The following CCDC60 variants were observed in gnomAD, a reference collection of about 807,000 sequenced individuals.
CCDC60 encodes the protein coiled-coil domain containing 60.
In CCDC60, 54 loss-of-function variants were observed where a neutral mutation model predicts 63.5. That is an observed-to-expected ratio of 0.85 (90% CI 0.68 to 1.07). The LOEUF (loss-of-function observed/expected upper bound fraction) is 1.07. Ranked by LOEUF, CCDC60 falls within the 50% of genes least tolerant of loss-of-function variation. CCDC60 has a pLI of 0.00. For synonymous variants in CCDC60, 206 were observed against 238.8 expected, an observed-to-expected ratio of 0.86 and a Z score of 1.27; for missense variants, 651 against 684.3, an observed-to-expected ratio of 0.95 and a Z score of 0.54.
At chr12:119,400,072 C>T (rs180819473) in intron 1 of CCDC60, among the ~76,000 whole-genome samples, 1,480 of 124,090 alleles carry the variant, frequency 0.012, 27 homozygotes, top group African/African-American at 0.042. Context: ...TTTTTTGAGA[C>T]GGAGTCTCAC....
chr12:119,435,188 T>G (rs1938723616), intron 2 of CCDC60, among the ~76,000 whole-genome samples: 1 of 152,220 alleles, frequency 6.6e-6, no homozygotes, highest in African/African-American at 2.4e-5. Flanking sequence ...GATCTCACAG[T>G]AGGCACCATG....
rs192235807 is a variant in CCDC60 at position 119,527,875 on chromosome 12, G to C, written c.1230-740G>C. Among the ~76,000 whole-genome samples the C allele has an allele frequency of 3.1e-4, 47 of 151,320 alleles. 1 individual carries two copies. Among genetic ancestry groups the C allele is most frequent in the African/African-American group, 1.1e-3 (45 of 41,222 alleles). ...TTTGTATTTTTTTAGTAGAGACGGG[G>C]TTTCACCATGTTAGCCAGGATGGTG... On this transcript the variant is annotated intron_variant, in intron 11 of 13. Coordinates refer to ENST00000327554, the MANE Select transcript of CCDC60 (RefSeq NM_178499.5).
chr12:119,510,177 A>C (rs1257826409), intron 7 of CCDC60, among the ~76,000 whole-genome samples: 1 of 152,176 alleles, frequency 6.6e-6, no homozygotes, highest in Non-Finnish European at 1.5e-5. Flanking sequence ...AATCTGATAT[A>C]GTTCTCTCTA....
At chr12:119,392,576 T>C (rs565247612) in intron 1 of CCDC60, among the ~76,000 whole-genome samples, 7 of 152,118 alleles carry the variant, frequency 4.6e-5, no homozygotes, top group Non-Finnish European at 8.8e-5. Flanking sequence ...AAGCACTCAA[T>C]AAAATGACTG....
intron 7 of CCDC60, among the ~76,000 whole-genome samples, chr12:119,510,647 T>C (rs907568347): frequency 7.2e-5 from 11 of 152,186 alleles, no homozygotes; most frequent in Non-Finnish European, 1.2e-4. Flanking sequence ...AGAAGATCAG[T>C]CCAGGGCTGG....
rs114931879 is a variant in CCDC60, at chr12:119,472,308, G to T, written c.341+144G>T. On this transcript the variant is annotated intron_variant, in intron 3 of 13. Coordinates refer to ENST00000327554, the MANE Select transcript of CCDC60 (RefSeq NM_178499.5). ...GGCATCTAACACCTTCTTTAGTGTGGTCCAACCAACCTTGATAGCCTCGCT... is the reference window on the plus strand; with the variant it reads ...GGCATCTAACACCTTCTTTAGTGTGTTCCAACCAACCTTGATAGCCTCGCT... 2,938 of 735,582 alleles carry T rather than the reference G, an allele frequency of 4.0e-3. 51 individuals are homozygous for T. The African/African-American group carries it at 0.045, about 11-fold the overall frequency. 45.6% of individuals were successfully genotyped at this position (735,582 alleles called of 1,614,324 possible). A position where few individuals can be genotyped will look rare whatever the true frequency, so the allele number is the denominator to read the frequency against.
At chr12:119,479,995 TACACAC>T (rs56080581) in intron 4 of CCDC60, among the ~76,000 whole-genome samples, 7,993 of 121,958 alleles carry the variant, frequency 0.066, 224 homozygotes, top group East Asian at 0.14. Context: ...CCGTACATCA[TACACAC>T]ACACACACAC....
At chr12:119,339,177 T>TG (rs2136140450) in intron 1 of CCDC60, among the ~76,000 whole-genome samples, 1 of 152,192 alleles carries the variant, frequency 6.6e-6, no homozygotes, top group South Asian at 2.1e-4. Flanking sequence ...GGATCAGACA[T>TG]GGGGGAGGGG....
intron 1 of CCDC60, among the ~76,000 whole-genome samples, chr12:119,423,390 C>T (rs1956847488): frequency 6.6e-6 from 1 of 152,224 alleles, no homozygotes; most frequent in African/African-American, 2.4e-5. Flanking sequence ...TAATTACTTG[C>T]TTTCACTCTC....
intron 3 of CCDC60, among the ~76,000 whole-genome samples, chr12:119,478,805 C>T (rs1951235875): frequency 1.3e-5 from 2 of 152,020 alleles, no homozygotes; most frequent in Admixed American, 1.3e-4. Context: ...CAGGGTTTCA[C>T]CGTGTTAGCC....
rs1351915297 is a variant in CCDC60, at chr12:119,420,221, C to T, written c.91-8462C>T. Among the ~76,000 whole-genome samples, 3 of 152,078 alleles carry T rather than the reference C, an allele frequency of 2.0e-5. No homozygotes were observed. Among genetic ancestry groups the T allele is most frequent in the Admixed American group, 6.6e-5 (1 of 15,246 alleles). ...TATTTCCTATTTCAGTTTGAAGGAT[C>T]TGTGTGTGGATGAGGTCACTAATTC... On this transcript the variant is annotated intron_variant, in intron 1 of 13. Coordinates refer to ENST00000327554, the MANE Select transcript of CCDC60 (RefSeq NM_178499.5). This position sits in a 1 kb window ranked among gnomAD's most constrained non-coding sequence, Gnocchi z 4.1.
At chr12:119,360,903 G>A (rs1442361943) in intron 1 of CCDC60, among the ~76,000 whole-genome samples, 1 of 152,182 alleles carries the variant, frequency 6.6e-6, no homozygotes, top group African/African-American at 2.4e-5. Context: ...GGAGGCCGAG[G>A]CTGGCGGATC....
intron 11 of CCDC60, among the ~76,000 whole-genome samples, chr12:119,525,471 G>C (rs1952656410): frequency 6.6e-6 from 1 of 152,178 alleles, no homozygotes; most frequent in South Asian, 2.1e-4. Flanking sequence ...CTGTAAGCCA[G>C]AAGAGACTGG....
chr12:119,370,302 A>C (rs180826069), intron 1 of CCDC60, among the ~76,000 whole-genome samples: 13 of 152,370 alleles, frequency 8.5e-5, no homozygotes, highest in African/African-American at 2.9e-4. Flanking sequence ...TGTCAGGCAG[A>C]CAGTGCGCCC....
At chr12:119,489,143 G>C (rs1229469800) in intron 5 of CCDC60, among the ~76,000 whole-genome samples, 2 of 152,176 alleles carry the variant, frequency 1.3e-5, no homozygotes, top group Non-Finnish European at 2.9e-5. Context: ...CCACATGGGA[G>C]TATTTACACC....
intron 5 of CCDC60, 150 bp downstream of exon 5, chr12:119,489,016 G>C (rs1951521346): frequency 1.5e-6 from 1 of 680,034 alleles, no homozygotes; most frequent in African/African-American, 1.8e-5. Flanking sequence ...TCTGAACAGG[G>C]GAGAACTAGA....
chr12:119,399,101 A>T (rs117254574), intron 1 of CCDC60, among the ~76,000 whole-genome samples: 4,699 of 152,296 alleles, frequency 0.031, 105 homozygotes, highest in Non-Finnish European at 0.051. Context: ...ATGGAGAAAA[A>T]AAATATAGGA....
At chr12:119,527,802 G>A (rs1425013881) in intron 11 of CCDC60, among the ~76,000 whole-genome samples, 1 of 150,282 alleles carries the variant, frequency 6.7e-6, no homozygotes, top group East Asian at 2.0e-4. Context: ...TCAGTCTCCC[G>A]AGTAGCTGGG....
intron 13 of CCDC60, among the ~76,000 whole-genome samples, chr12:119,535,590 G>A (rs994159181): frequency 1.3e-5 from 2 of 152,182 alleles, no homozygotes; most frequent in Middle Eastern, 3.2e-3. Context: ...CTTTAAGTGT[G>A]TCCCAGAGAT....
Sources: gnomAD v4.1 joint callset for allele counts (sites outside exome capture counted in the v4.1 genomes callset) on GRCh38, gnomAD v4.1.1 for gene constraint, Gnocchi (gnomAD v3.1) non-coding constraint, MANE v1.5 for transcripts, NCBI Gene and HGNC (gene_info 2026-07-23, HGNC 2026-07-21) for gene names.